KPNA1: variants seen among roughly 807,000 people sequenced by gnomAD.
KPNA1 encodes karyopherin subunit alpha 1.
Under a neutral mutation model 70.5 loss-of-function variants are expected in KPNA1, and 10 were observed. The ratio of observed to expected loss-of-function variants is 0.14; its 90% CI spans 0.09 to 0.24. The LOEUF (loss-of-function observed/expected upper bound fraction) is 0.24, where lower values mean the gene tolerates loss of function less well. KPNA1 is among the 10% of genes least tolerant of loss of function. KPNA1 has a pLI of 1.00. For missense variants in KPNA1, 397 were observed against 637.9 expected, an observed-to-expected ratio of 0.62 and a Z score of 4.07; for synonymous variants, 192 against 221.9, an observed-to-expected ratio of 0.87 and a Z score of 1.20.
intron 9 of KPNA1, among the ~76,000 whole-genome samples, chr3:122,448,753 GA>G (rs528588256): frequency 0.019 from 2,507 of 132,230 alleles, 43 homozygotes; most frequent in South Asian, 0.06. Flanking sequence ...TTTTAAAAAA[GA>G]AAAAAAAAAA....
At chr3:122,459,642 T>C in intron 5 of KPNA1, 1 of 985,450 alleles carries the variant, frequency 1.0e-6, no homozygotes, top group Non-Finnish European at 1.2e-6. Flanking sequence ...CTGATGATCC[T>C]GGCCTTAGAT....
At chr3:122,513,838 G>A (rs79128380) in intron 1 of KPNA1, among the ~76,000 whole-genome samples, 1 of 152,222 alleles carries the variant, frequency 6.6e-6, no homozygotes, top group African/African-American at 2.4e-5. Flanking sequence ...GCTGAGGCAA[G>A]AGGACAGTTT....
At chr3:122,469,415 G>A (rs529983486) in intron 2 of KPNA1, among the ~76,000 whole-genome samples, 4 of 152,168 alleles carry the variant, frequency 2.6e-5, no homozygotes, top group African/African-American at 4.8e-5. Flanking sequence ...TCAGACCTTA[G>A]TTACAGATTA....
chr3:122,447,202 G>A (rs549863200), intron 9 of KPNA1, among the ~76,000 whole-genome samples: 2 of 152,226 alleles, frequency 1.3e-5, no homozygotes, highest in East Asian at 3.9e-4. Context: ...CCAAAGCCTG[G>A]CAAAGACACA....
At chr3:122,482,724 A>C (rs1298602457) in intron 2 of KPNA1, among the ~76,000 whole-genome samples, 1 of 152,240 alleles carries the variant, frequency 6.6e-6, no homozygotes, top group Non-Finnish European at 1.5e-5. Flanking sequence ...AATCTAAAAA[A>C]TAACAATTAC....
chr3:122,442,227 A>G, intron 9 of KPNA1, 111 bp from the exon 10 acceptor site: 1 of 772,248 alleles, frequency 1.3e-6, no homozygotes, highest in Non-Finnish European at 2.2e-6. Flanking sequence ...TAGAGCAGAA[A>G]TGTACCCATG....
chr3:122,500,485 C>T (rs896900033), intron 1 of KPNA1, among the ~76,000 whole-genome samples: 2 of 151,142 alleles, frequency 1.3e-5, no homozygotes, highest in African/African-American at 4.9e-5. Flanking sequence ...GTAATGTCTC[C>T]TCTTTCATTT....
At chr3:122,453,540 G>C (rs915878944) in intron 6 of KPNA1, among the ~76,000 whole-genome samples, 1 of 151,570 alleles carries the variant, frequency 6.6e-6, no homozygotes, top group Non-Finnish European at 1.5e-5. Context: ...TTTTTTGTTT[G>C]TTTTGTTTTT....
intron 2 of KPNA1, among the ~76,000 whole-genome samples, chr3:122,490,001 C>T (rs894466228): frequency 1.3e-5 from 2 of 152,236 alleles, no homozygotes; most frequent in Non-Finnish European, 2.9e-5. Context: ...TTTCTCCAGT[C>T]CAGCTAGAGG....
chr3:122,476,817 TGTAATTTATTACAGCCA>T (rs1560042564), intron 2 of KPNA1, among the ~76,000 whole-genome samples: 1 of 127,436 alleles, frequency 7.8e-6, no homozygotes, highest in Non-Finnish European at 1.6e-5. Flanking sequence ...CTGGTGGGAA[TGTAATTTATTACAGCCA>T]GTATGAAAAA....
At chr3:122,513,135 A>C (rs2076974267) in intron 1 of KPNA1, among the ~76,000 whole-genome samples, 1 of 152,254 alleles carries the variant, frequency 6.6e-6, no homozygotes, top group South Asian at 2.1e-4. Flanking sequence ...TTTAAATGGC[A>C]GTAACTTTGG....
chr3:122,442,572 A>G (rs990414748), intron 9 of KPNA1, among the ~76,000 whole-genome samples: 1 of 152,154 alleles, frequency 6.6e-6, no homozygotes, highest in African/African-American at 2.4e-5. Flanking sequence ...CAGGAGTCAC[A>G]CTCTAAATAC....
intron 1 of KPNA1, among the ~76,000 whole-genome samples, chr3:122,504,335 G>T (rs10934602): frequency 0.14 from 21,218 of 152,124 alleles, 1,583 homozygotes; most frequent in East Asian, 0.32. Flanking sequence ...AGCAGAAGGG[G>T]CTAAGGAGCT....
intron 2 of KPNA1, among the ~76,000 whole-genome samples, chr3:122,495,564 A>T (rs1025657533): frequency 2.6e-5 from 4 of 152,066 alleles, no homozygotes; most frequent in African/African-American, 9.7e-5. Context: ...TATCTAACGC[A>T]GTGTTTCATA....
At chr3:122,486,721 G>C (rs934524740) in intron 2 of KPNA1, among the ~76,000 whole-genome samples, 1 of 152,048 alleles carries the variant, frequency 6.6e-6, no homozygotes, top group African/African-American at 2.4e-5. Flanking sequence ...CCAAGTAGCT[G>C]GGACTACAGG....
At chr3:122,449,361 G>A (rs773101141) in intron 9 of KPNA1, among the ~76,000 whole-genome samples, 18 of 152,108 alleles carry the variant, frequency 1.2e-4, no homozygotes, top group Non-Finnish European at 1.2e-4. Flanking sequence ...TCTGCTAAAG[G>A]CCTGCTAACA....
chr3:122,461,688 C>T (rs997341758), intron 4 of KPNA1, among the ~76,000 whole-genome samples: 16 of 152,286 alleles, frequency 1.1e-4, no homozygotes, highest in Admixed American at 9.2e-4. Context: ...AGTCTAACTG[C>T]TCTTGTCTGT....
At chr3:122,508,034 T>C (rs550561143) in intron 1 of KPNA1, among the ~76,000 whole-genome samples, 1 of 152,248 alleles carries the variant, frequency 6.6e-6, no homozygotes, top group African/African-American at 2.4e-5. Flanking sequence ...ACAGTGGTCA[T>C]TCAAATGCTG....
At chr3:122,504,954 T>G (rs1220144955) in intron 1 of KPNA1, among the ~76,000 whole-genome samples, 1 of 150,344 alleles carries the variant, frequency 6.7e-6, no homozygotes, top group Non-Finnish European at 1.5e-5. Context: ...CTCTAAAGAG[T>G]CTAATTAATG....
Sources: gnomAD v4.1 joint callset for allele counts (sites outside exome capture counted in the v4.1 genomes callset) on GRCh38, gnomAD v4.1.1 for gene constraint, MANE v1.5 for transcripts, NCBI Gene and HGNC (gene_info 2026-07-23, HGNC 2026-07-21) for gene names.